The following SLC39A11 variants were observed in gnomAD, a reference collection of about 807,000 sequenced individuals.
SLC39A11 encodes solute carrier family 39 member 11.
SLC39A11 carries 33 observed loss-of-function variants against 36.1 expected under a neutral mutation model. That is an observed-to-expected ratio of 0.91 (90% CI 0.69 to 1.22). The LOEUF (loss-of-function observed/expected upper bound fraction) is 1.22, where lower values mean the gene tolerates loss of function less well. Ranked by LOEUF, SLC39A11 falls within the 50% of genes most tolerant of loss-of-function variation. The pLI, the probability that SLC39A11 is intolerant of heterozygous loss-of-function variation, is 0.00. For missense variants in SLC39A11, 432 were observed against 430.3 expected, an observed-to-expected ratio of 1.00 and a Z score of -0.03; for synonymous variants, 166 against 170.3, an observed-to-expected ratio of 0.97 and a Z score of 0.20.
intron 4 of SLC39A11, among the ~76,000 whole-genome samples, chr17:72,969,656 T>C (rs1220441076): frequency 6.6e-6 from 1 of 151,926 alleles, no homozygotes; most frequent in South Asian, 2.1e-4. Context: ...TTCCTCTACA[T>C]TATGTATATA....
intron 6 of SLC39A11, among the ~76,000 whole-genome samples, chr17:72,764,649 C>A (rs1472198021): frequency 6.6e-6 from 1 of 152,140 alleles, no homozygotes; most frequent in African/African-American, 2.4e-5. Context: ...AGGGCTGGGG[C>A]AGACTGAAAC....
chr17:72,649,138 G>A (rs770101841), intron 8 of SLC39A11, 32 bp downstream of exon 8: 3 of 1,597,274 alleles, frequency 1.9e-6, no homozygotes, highest in Non-Finnish European at 2.6e-6. Flanking sequence ...GGAGGATGCT[G>A]TGACATGGCC....
chr17:73,071,387 C>G (rs576249347), intron 3 of SLC39A11, among the ~76,000 whole-genome samples: 2 of 152,204 alleles, frequency 1.3e-5, no homozygotes, highest in Admixed American at 6.5e-5. Context: ...AAAGCCAGCC[C>G]CTGAAGATTC....
At chr17:72,762,131 T>C (rs542003986) in intron 6 of SLC39A11, among the ~76,000 whole-genome samples, 33 of 152,270 alleles carry the variant, frequency 2.2e-4, no homozygotes, top group African/African-American at 7.0e-4. Context: ...AGGGGCTGCG[T>C]AAAATGAGGA....
At chr17:73,063,449 G>A (rs1488316624) in intron 3 of SLC39A11, among the ~76,000 whole-genome samples, 2 of 151,980 alleles carry the variant, frequency 1.3e-5, no homozygotes, top group East Asian at 3.9e-4. Flanking sequence ...ATTTTCAGAG[G>A]GTAAAAGAAG....
chr17:73,007,914 C>G (rs2090273939), intron 4 of SLC39A11, among the ~76,000 whole-genome samples: 1 of 151,980 alleles, frequency 6.6e-6, no homozygotes, highest in African/African-American at 2.4e-5. Context: ...ACCAGCCTGA[C>G]CAACATGGTG....
intron 3 of SLC39A11, among the ~76,000 whole-genome samples, chr17:73,073,440 G>A (rs2060224772): frequency 6.6e-6 from 1 of 152,148 alleles, no homozygotes; most frequent in Non-Finnish European, 1.5e-5. Flanking sequence ...GGCATCTGGG[G>A]CAGGTAGCTC....
At chr17:73,010,660 A>G (rs757564544) in intron 4 of SLC39A11, among the ~76,000 whole-genome samples, 1 of 152,210 alleles carries the variant, frequency 6.6e-6, no homozygotes. Flanking sequence ...GCTTGTAGTA[A>G]ATGGCAGTAT....
chr17:73,047,732 C>G (rs981745794), intron 3 of SLC39A11, among the ~76,000 whole-genome samples: 1 of 151,740 alleles, frequency 6.6e-6, no homozygotes, highest in South Asian at 2.1e-4. Flanking sequence ...CTTTGGTAGG[C>G]TGAAGCGGGC....
chr17:73,065,027 A>G (rs920430543), intron 3 of SLC39A11, among the ~76,000 whole-genome samples: 1 of 152,186 alleles, frequency 6.6e-6, no homozygotes, highest in Admixed American at 6.5e-5. Flanking sequence ...AATTAAATTT[A>G]TAAAATGAGA....
chr17:72,664,582 C>T (rs1265188929), intron 7 of SLC39A11, among the ~76,000 whole-genome samples: 1 of 152,190 alleles, frequency 6.6e-6, no homozygotes, highest in East Asian at 1.9e-4. Context: ...CCTTCCTGGG[C>T]TACAGTAACA....
At chr17:72,663,284 G>C (rs554158815) in intron 7 of SLC39A11, among the ~76,000 whole-genome samples, 1 of 152,344 alleles carries the variant, frequency 6.6e-6, no homozygotes, top group South Asian at 2.1e-4. Flanking sequence ...TCAGTTCCTA[G>C]GGAGGAGTCA....
chr17:72,898,606 T>C, intron 5 of SLC39A11, among the ~76,000 whole-genome samples: 1 of 152,146 alleles, frequency 6.6e-6, no homozygotes, highest in East Asian at 1.9e-4. Flanking sequence ...ACACACCCAG[T>C]CATACACACA....
chr17:72,747,470 G>T (rs192620712), intron 6 of SLC39A11, among the ~76,000 whole-genome samples: 1 of 152,312 alleles, frequency 6.6e-6, no homozygotes, highest in East Asian at 1.9e-4. Context: ...GCTCGGCTTT[G>T]ATTCCTTGTC....
At chr17:72,916,601 TC>T (rs1391882116) in intron 5 of SLC39A11, among the ~76,000 whole-genome samples, 3 of 151,904 alleles carry the variant, frequency 2.0e-5, no homozygotes, top group Non-Finnish European at 2.9e-5. Context: ...AACCCTCTCT[TC>T]CCCTGCCCCC....
intron 6 of SLC39A11, among the ~76,000 whole-genome samples, chr17:72,762,790 C>T (rs574973910): frequency 1.3e-5 from 2 of 152,144 alleles, no homozygotes; most frequent in Admixed American, 6.5e-5. Flanking sequence ...CCTTCCCATT[C>T]GATTCCTACT....
chr17:72,837,318 C>T (rs1002450879), intron 6 of SLC39A11, among the ~76,000 whole-genome samples: 3 of 133,262 alleles, frequency 2.3e-5, no homozygotes, highest in Non-Finnish European at 4.7e-5. Flanking sequence ...GAGGAAAATT[C>T]ACTAGATTTT....
intron 6 of SLC39A11, among the ~76,000 whole-genome samples, chr17:72,843,775 T>C (rs1035301522): frequency 3.3e-5 from 5 of 152,170 alleles, no homozygotes; most frequent in African/African-American, 1.2e-4. Context: ...ATAGCTCTTA[T>C]CAGATTCACA....
rs182409268 is a variant in SLC39A11 at position 72,779,340 on chromosome 17, A to C, written c.602-42621T>G. 5.9e-3 allele frequency among the ~76,000 whole-genome samples: 896 copies of C among 152,184 alleles called. 9 individuals carry two copies. Among genetic ancestry groups the C allele is most frequent in the Non-Finnish European group, 6.7e-3 (455 of 67,998 alleles). On this transcript the variant is annotated intron_variant, in intron 6 of 9. Transcript: ENST00000255559. ...CTTGGGAGGCTGAGGAAGGAGAATC[A>C]CTTGAACCTGGGAGGCGGAGGTTGC...
Sources: allele counts gnomAD v4.1 joint callset (sites outside exome capture counted in the v4.1 genomes callset), GRCh38; gene constraint gnomAD v4.1.1; transcripts MANE v1.5; gene names NCBI Gene and HGNC (gene_info 2026-07-23, HGNC 2026-07-21).